Variants in ADCK2 observed in about 807,000 individuals in gnomAD.
The protein encoded by ADCK2 is aarF domain containing kinase 2.
Under a neutral mutation model 52.3 loss-of-function variants are expected in ADCK2, and 37 were observed. That is an observed-to-expected ratio of 0.71 (90% CI 0.54 to 0.93). ADCK2 has a LOEUF of 0.93. Among genes scored for constraint, ADCK2 ranks in the 40% least tolerant of loss-of-function variants. The pLI is 0.00. For synonymous variants in ADCK2, 321 were observed against 349.2 expected (o/e 0.92, Z 0.90); for missense variants, 695 against 798.7 (o/e 0.87, Z 1.56).
chr7:140,679,236 C>A lies in ADCK2; in HGVS notation c.1162C>A (p.Pro388Thr), dbSNP rs1794474017. ...TGTGAAAGCCGTCAAGTTCCCCACC[C>A]CTCTGCGCCCCTTTGTCACCAGAGA... ...RNVKAVKFPT[P>T]LRPFVTREVL... Residue 388 changes from proline to threonine, a missense_variant, in exon 3 of 8, where the codon CCT (proline) becomes ACT (threonine). Physicochemically the swap from Pro to Thr is conservative, Grantham distance 38. Coordinates refer to ENST00000072869, the MANE Select transcript of ADCK2 (RefSeq NM_052853.4). 6.2e-6 allele frequency: 10 copies of A among 1,614,138 alleles called. No individual in the cohort carries two copies. The highest frequency in any genetic ancestry group is 1.1e-5 in the South Asian group (1 of 91,074).
intron 4 of ADCK2, among the ~76,000 whole-genome samples, chr7:140,684,597 G>A (rs1351545035): frequency 5.9e-5 from 9 of 152,196 alleles, no homozygotes; most frequent in Non-Finnish European, 8.8e-5. Context: ...GGTGAGAGCC[G>A]GAGAATGAAT....
In ADCK2 at chr7:140,674,769, T is replaced by TC. The variant is rs753529810; in HGVS notation, c.1080+16dup. On this transcript the variant is annotated intron_variant, in intron 2 of 7. Coordinates refer to ENST00000072869, the MANE Select transcript of ADCK2 (RefSeq NM_052853.4). The surrounding 1 kb of genome is among the most constrained non-coding windows in gnomAD (Gnocchi z 4.6). ...TGATGGTCCAACAGGTGAGTTCTCCTCCCCTCAGCTGTAAATAGCACCTAA... is the reference window on the plus strand; with the variant it reads ...TGATGGTCCAACAGGTGAGTTCTCCTCCCCCTCAGCTGTAAATAGCACCTAA... 1.2e-6 allele frequency: 2 copies of TC among 1,612,484 alleles called. No homozygotes were observed. Among genetic ancestry groups the TC allele is most frequent in the East Asian group, 4.5e-5 (2 of 44,828 alleles).
rs1430088582 is a variant in ADCK2, at chr7:140,682,027, A to G, written c.1305+890A>G. Reference sequence around the variant, plus strand: ...TGTAGTTTAGCAAACAGCTGAGACAATATCTTATTTTAAATGCTGCTTTGC... The same window carrying G: ...TGTAGTTTAGCAAACAGCTGAGACAGTATCTTATTTTAAATGCTGCTTTGC... On this transcript the variant is annotated intron_variant, in intron 4 of 7. Transcript: ENST00000072869. Among the ~76,000 whole-genome samples, 3 of 152,178 alleles carry G rather than the reference A, an allele frequency of 2.0e-5. No individual in the cohort carries two copies. The East Asian group carries it at 5.8e-4, about 29-fold the overall frequency.
At chr7:140,691,966 C>G (rs1412832457) in intron 7 of ADCK2, among the ~76,000 whole-genome samples, 1 of 152,202 alleles carries the variant, frequency 6.6e-6, no homozygotes, top group African/African-American at 2.4e-5. Context: ...CTGCTGTTCC[C>G]AGGATGGAAG....
chr7:140,675,427 A>G (rs967742314), intron 2 of ADCK2, among the ~76,000 whole-genome samples: 3 of 152,176 alleles, frequency 2.0e-5, no homozygotes, highest in Non-Finnish European at 4.4e-5. Flanking sequence ...TGACAGAACT[A>G]AGCCACCGTA....
At chr7:140,687,874 GT>G (rs781238437) in intron 5 of ADCK2, among the ~76,000 whole-genome samples, 16,567 of 137,102 alleles carry the variant, frequency 0.12, 962 homozygotes, top group African/African-American at 0.13. Flanking sequence ...TGAGATCTTA[GT>G]TTTTTTTTTT....
At chr7:140,675,237 CT>C (rs1794379765) in intron 2 of ADCK2, among the ~76,000 whole-genome samples, 1 of 152,120 alleles carries the variant, frequency 6.6e-6, no homozygotes, top group Non-Finnish European at 1.5e-5. Flanking sequence ...GAGACTCCAT[CT>C]CAAAAGAAAA....
intron 3 of ADCK2, among the ~76,000 whole-genome samples, chr7:140,679,894 G>A (rs4727021): frequency 0.1 from 15,659 of 151,474 alleles, 869 homozygotes; most frequent in South Asian, 0.19. Context: ...GGCTGGTCTG[G>A]AACTCCTGAC....
At chr7:140,687,288 T>C in intron 5 of ADCK2, 47 bp downstream of exon 5, 1 of 1,504,512 alleles carries the variant, frequency 6.6e-7, no homozygotes. Flanking sequence ...TTTTTTTAAT[T>C]AAAAGAGCTG....
chr7:140,690,153 A>G (rs1794680044), intron 6 of ADCK2, among the ~76,000 whole-genome samples: 1 of 152,186 alleles, frequency 6.6e-6, no homozygotes, highest in Non-Finnish European at 1.5e-5. Context: ...GGGTCAGACA[A>G]GGAGTGGCCA....
intron 7 of ADCK2, among the ~76,000 whole-genome samples, chr7:140,691,221 C>T (rs538850179): frequency 2.0e-5 from 3 of 152,242 alleles, no homozygotes; most frequent in Admixed American, 2.0e-4. Flanking sequence ...CCACTGTGCC[C>T]GGCCTATTAT....
intron 4 of ADCK2, among the ~76,000 whole-genome samples, chr7:140,682,887 C>T (rs2130785299): frequency 6.6e-6 from 1 of 151,114 alleles, no homozygotes; most frequent in East Asian, 1.9e-4. Context: ...GCCTTTAGTC[C>T]CAGCTACCTG....
At position 140,673,849 on chromosome 7, in the gene ADCK2, A is replaced by G; in HGVS notation, c.519A>G (p.Arg173=). ...CCCAATTTTCCAAGCTGCATGTCCG[A>G]GTGACGCCCCACCCGTGGACTCACA... is the stretch of plus-strand genomic sequence containing the variant. ...FCAQFSKLHV[R]VTPHPWTHTE... is the part of the protein sequence containing the mutation. The change falls in exon 1 of 8, where the codon CGA becomes CGG. Residue 173 remains arginine (R), a synonymous_variant. Coordinates refer to ENST00000072869, the MANE Select transcript of ADCK2 (RefSeq NM_052853.4). The surrounding 1 kb of genome is among the most constrained non-coding windows in gnomAD (Gnocchi z 6.4). 3 of 1,613,856 alleles carry G rather than the reference A, an allele frequency of 1.9e-6. No individual in the cohort carries two copies. Among genetic ancestry groups the G allele is most frequent in the Non-Finnish European group, 2.5e-6 (3 of 1,180,036 alleles).
At chr7:140,679,662 C>CT (rs57302302) in intron 3 of ADCK2, among the ~76,000 whole-genome samples, 988 of 75,368 alleles carry the variant, frequency 0.013, 118 homozygotes, top group African/African-American at 0.016. Context: ...CCTTCTCTCT[C>CT]TTTTTTTTTT....
intron 4 of ADCK2, among the ~76,000 whole-genome samples, chr7:140,682,826 CAAA>C (rs397889908): frequency 1.1e-4 from 7 of 65,168 alleles, no homozygotes; most frequent in African/African-American, 3.0e-4. Context: ...CCTGTCACTA[CAAA>C]AAAAAAAAAA....
intron 7 of ADCK2, among the ~76,000 whole-genome samples, chr7:140,692,268 T>C (rs984659277): frequency 1.3e-5 from 2 of 152,214 alleles, no homozygotes; most frequent in African/African-American, 2.4e-5. Context: ...TGATATTTCA[T>C]ATAAGTGGAA....
At position 140,673,563 on chromosome 7, in the gene ADCK2, CG is replaced by C; in HGVS notation, c.237del (p.Ala81ArgfsTer28). ...RRVRCSGAAG[A>X]GPAESLPRAG... ...GTCCGCTGCAGCGGGGCGGCTGGCG[CG>C]GGGCCCGCGGAGAGCCTCCCCCGAG... On this transcript the variant is annotated frameshift_variant, in exon 1 of 8. Coordinates refer to ENST00000072869, the MANE Select transcript of ADCK2 (RefSeq NM_052853.4). LOFTEE classifies it high-confidence loss of function. This position sits in a 1 kb window ranked among gnomAD's most constrained non-coding sequence, Gnocchi z 6.4. 6.2e-7 allele frequency: 1 copy of C among 1,600,616 alleles called. No homozygotes were observed.
intron 6 of ADCK2, among the ~76,000 whole-genome samples, chr7:140,690,537 G>A (rs987874775): frequency 6.6e-6 from 1 of 152,062 alleles, no homozygotes; most frequent in African/African-American, 2.4e-5. Flanking sequence ...TCAAAGGCTT[G>A]TCTTCCAAAG....
chr7:140,674,655 G>A lies in ADCK2; in HGVS notation c.978G>A (p.Leu326=). 6.2e-7 allele frequency: 1 copy of A among 1,614,120 alleles called. No homozygotes were observed. Among genetic ancestry groups the A allele is most frequent in the South Asian group, 1.1e-5 (1 of 91,072 alleles). The change falls in exon 2 of 8, where the codon CTG becomes CTA. Residue 326 remains leucine (L), a synonymous_variant. Coordinates refer to ENST00000072869, the MANE Select transcript of ADCK2 (RefSeq NM_052853.4). This position sits in a 1 kb window ranked among gnomAD's most constrained non-coding sequence, Gnocchi z 4.6. ...GLLAQVHMDL[L]LMKIGSRVLG... is the part of the protein sequence containing the mutation. ...TCGCTCAGGTGCATATGGACCTGCT[G>A]CTGATGAAGATTGGCAGCCGAGTCC...
Sources: allele counts gnomAD v4.1 joint callset (sites outside exome capture counted in the v4.1 genomes callset), GRCh38; gene constraint gnomAD v4.1.1; non-coding constraint Gnocchi (gnomAD v3.1); transcripts MANE v1.5; gene names NCBI Gene and HGNC (gene_info 2026-07-23, HGNC 2026-07-21).